PIK3CB: variants seen among roughly 807,000 people sequenced by gnomAD.
The protein encoded by PIK3CB is phosphatidylinositol-4,5-bisphosphate 3-kinase catalytic subunit beta, also known as phosphatidylinositol 4,5-bisphosphate 3-kinase catalytic subunit beta isoform.
Under a neutral mutation model 136.8 loss-of-function variants are expected in PIK3CB, and 39 were observed. The ratio of observed to expected loss-of-function variants is 0.29; its 90% confidence interval spans 0.22 to 0.37. The LOEUF (loss-of-function observed/expected upper bound fraction) is 0.37, where lower values mean the gene tolerates loss of function less well. Among genes scored for constraint, PIK3CB ranks in the 10% least tolerant of loss-of-function variants. PIK3CB has a pLI of 1.00. For missense variants in PIK3CB, 868 were observed against 1,275.4 expected (o/e 0.68, Z 4.87); for synonymous variants, 428 against 436.6 (o/e 0.98, Z 0.25).
chr3:138,694,295 GC>G (rs1288830584), intron 14 of PIK3CB, among the ~76,000 whole-genome samples: 1 of 151,964 alleles, frequency 6.6e-6, no homozygotes, highest in Non-Finnish European at 1.5e-5. Flanking sequence ...TGTGATAGCT[GC>G]CCGTAAAAAC....
chr3:138,735,426 A>G (rs1162652106), intron 6 of PIK3CB, among the ~76,000 whole-genome samples: 1 of 152,208 alleles, frequency 6.6e-6, no homozygotes, highest in Non-Finnish European at 1.5e-5. Flanking sequence ...TAGTATCTGT[A>G]AAACCTAGAT....
intron 12 of PIK3CB, among the ~76,000 whole-genome samples, chr3:138,702,104 A>ATT (rs10706809): frequency 1.4e-5 from 2 of 143,998 alleles, no homozygotes; most frequent in Non-Finnish European, 3.0e-5. Context: ...TTGGTTTACA[A>ATT]TTTTTTTTTT....
intron 2 of PIK3CB, among the ~76,000 whole-genome samples, chr3:138,773,832 C>T (rs924619779): frequency 6.6e-6 from 1 of 152,140 alleles, no homozygotes; most frequent in East Asian, 1.9e-4. Flanking sequence ...CTCTCCTCAC[C>T]CTCTCCACCC....
At chr3:138,729,709 A>T (rs1341694744) in intron 8 of PIK3CB, among the ~76,000 whole-genome samples, 1 of 152,162 alleles carries the variant, frequency 6.6e-6, no homozygotes, top group Non-Finnish European at 1.5e-5. Flanking sequence ...AGGCTTTCAG[A>T]TTCAGACTGG....
chr3:138,752,225 A>T (rs1185130343), intron 4 of PIK3CB, among the ~76,000 whole-genome samples: 2 of 152,206 alleles, frequency 1.3e-5, no homozygotes, highest in African/African-American at 4.8e-5. Flanking sequence ...AAACACAGAA[A>T]AAAAAAAGAT....
intron 2 of PIK3CB, among the ~76,000 whole-genome samples, chr3:138,773,731 C>T (rs541354515): frequency 4.6e-5 from 7 of 152,202 alleles, no homozygotes; most frequent in Non-Finnish European, 8.8e-5. Flanking sequence ...TCTAAATGTT[C>T]GACCGTGTTT....
chr3:138,731,996 A>G lies in PIK3CB; in HGVS notation c.1050+1365T>C, dbSNP rs541653752. On this transcript the variant is annotated intron_variant, in intron 8 of 23. Coordinates refer to ENST00000674063, the MANE Select transcript of PIK3CB (RefSeq NM_006219.3). ...AGACTCCATCTCAAAAAAAAAAAAG[A>G]AAAATCTAGCTGAGGATATAAAAGC... Among the ~76,000 whole-genome samples, 172 of 152,154 alleles carry G rather than the reference A, an allele frequency of 1.1e-3. 1 individual carries two copies. Among genetic ancestry groups the G allele is most frequent in the African/African-American group, 4.1e-3 (169 of 41,528 alleles).
intron 19 of PIK3CB, among the ~76,000 whole-genome samples, chr3:138,672,409 G>A (rs1316305670): frequency 1.3e-5 from 2 of 152,142 alleles, no homozygotes; most frequent in South Asian, 4.1e-4. Flanking sequence ...GTGTGTACAG[G>A]CCTTTGGCAA....
In PIK3CB at chr3:138,707,297, A is replaced by G; in HGVS notation, c.1400-8T>C. 2 of 1,586,810 alleles carry G rather than the reference A, an allele frequency of 1.3e-6. No homozygotes were observed. Among genetic ancestry groups the G allele is most frequent in the African/African-American group, 2.7e-5 (2 of 73,316 alleles). On this transcript the variant is annotated splice_polypyrimidine_tract_variant and splice_region_variant and intron_variant, in intron 10 of 23. Coordinates refer to ENST00000674063, the MANE Select transcript of PIK3CB (RefSeq NM_006219.3). ...ACATTTCTTCGAGTTCATCTAAAAC[A>G]TGCAAATAATTTTGGTTCTTAAAAA...
chr3:138,730,800 T>C (rs1242957766), intron 8 of PIK3CB, among the ~76,000 whole-genome samples: 1 of 152,048 alleles, frequency 6.6e-6, no homozygotes, highest in Non-Finnish European at 1.5e-5. Flanking sequence ...GAAGTGATGG[T>C]GTATACCTGT....
chr3:138,656,926 C>T (rs899146166), intron 22 of PIK3CB, among the ~76,000 whole-genome samples: 2 of 152,126 alleles, frequency 1.3e-5, no homozygotes, highest in African/African-American at 4.8e-5. Context: ...TGCCACCACA[C>T]CTGGCTACTT....
At chr3:138,767,554 T>C (rs1409991076) in intron 2 of PIK3CB, among the ~76,000 whole-genome samples, 1 of 152,200 alleles carries the variant, frequency 6.6e-6, no homozygotes, top group East Asian at 1.9e-4. Flanking sequence ...TCTGCCCACT[T>C]GGCCTAGCAG....
chr3:138,737,644 AAT>A (rs372468230), intron 6 of PIK3CB, 61 bp downstream of exon 6: 32,840 of 437,362 alleles, frequency 0.075, no homozygotes, highest in East Asian at 0.12. Context: ...TCAGAAATAA[AAT>A]ATATATATAT....
In PIK3CB at chr3:138,705,179, AACAAAACAAAC is replaced by A. The variant is rs1212220311; in HGVS notation, c.1531-697_1531-687del. Reference sequence around the variant, plus strand: ...GCAAAAAAAAAAAAAAAAAACAAAAAACAAAACAAACAAAAAAAAAAACTTATATTTGCAAA... The same window carrying A: ...GCAAAAAAAAAAAAAAAAAACAAAAAAAAAAAAAAAACTTATATTTGCAAA... On this transcript the variant is annotated intron_variant, in intron 11 of 23. Coordinates refer to ENST00000674063, the MANE Select transcript of PIK3CB (RefSeq NM_006219.3). Among the ~76,000 whole-genome samples the A allele has an allele frequency of 4.6e-3, 391 of 85,668 alleles. 61 individuals carry two copies. The highest frequency in any genetic ancestry group is 0.03 in the East Asian group (49 of 1,618). 56.2% of individuals were successfully genotyped at this position (85,668 alleles called of 152,430 possible). A position where few individuals can be genotyped will look rare whatever the true frequency, so the allele number is the denominator to read the frequency against.
chr3:138,783,045 A>T (rs1221977962), intron 2 of PIK3CB, among the ~76,000 whole-genome samples: 1 of 152,222 alleles, frequency 6.6e-6, no homozygotes, highest in Non-Finnish European at 1.5e-5. Flanking sequence ...AGTGGGGGAT[A>T]TCATTAATGA....
chr3:138,813,167 T>C (rs1035178314), intron 1 of PIK3CB, among the ~76,000 whole-genome samples: 1 of 152,090 alleles, frequency 6.6e-6, no homozygotes, highest in Non-Finnish European at 1.5e-5. Flanking sequence ...ATCATTCCTT[T>C]TTAGGAGGGG....
chr3:138,736,136 T>C (rs955223342), intron 6 of PIK3CB, among the ~76,000 whole-genome samples: 4 of 152,216 alleles, frequency 2.6e-5, no homozygotes, highest in African/African-American at 9.6e-5. Context: ...TCTACTTGAA[T>C]GATGGCAGAA....
chr3:138,708,263 CTTTTTT>C (rs61178842), intron 10 of PIK3CB, among the ~76,000 whole-genome samples: 2 of 108,888 alleles, frequency 1.8e-5, no homozygotes, highest in Non-Finnish European at 1.8e-5. Flanking sequence ...TTTTCTTTTT[CTTTTTT>C]TTTTTTTTTT....
intron 2 of PIK3CB, among the ~76,000 whole-genome samples, chr3:138,760,774 G>C (rs188835655): frequency 1.6e-4 from 24 of 152,200 alleles, no homozygotes; most frequent in Admixed American, 1.6e-3. Context: ...AGGCGTAGTG[G>C]TGCATACCTG....
Sources: allele counts gnomAD v4.1 joint callset (sites outside exome capture counted in the v4.1 genomes callset), GRCh38; gene constraint gnomAD v4.1.1; transcripts MANE v1.5; gene names NCBI Gene and HGNC (gene_info 2026-07-23, HGNC 2026-07-21).